The following TAFA1 variants were observed in gnomAD, a reference collection of about 807,000 sequenced individuals.
TAFA1 encodes chemokine-like protein TAFA-1.
In TAFA1, 4 loss-of-function variants were observed where a neutral mutation model predicts 18.5. That is an observed-to-expected ratio of 0.22 (90% confidence interval 0.11 to 0.49). TAFA1 has a LOEUF of 0.49. Among genes scored for constraint, TAFA1 ranks in the 20% least tolerant of loss-of-function variants. The pLI is 0.98. For missense variants in TAFA1, 147 were observed against 169.0 expected (o/e 0.87, Z 0.72); for synonymous variants, 56 against 55.2 (o/e 1.01, Z -0.06).
At position 68,459,733 on chromosome 3, in the gene TAFA1, C is replaced by A. The variant is rs567297196; in HGVS notation, c.259+42313C>A. Among the ~76,000 whole-genome samples, 18 of 152,250 alleles carry A rather than the reference C, an allele frequency of 1.2e-4. No individual in the cohort carries two copies. The South Asian group carries it at 3.5e-3, about 30-fold the overall frequency. Reference sequence around the variant, plus strand: ...CCTTTTCCCTAATTCCCTATTTACCCATATAAGACTTTCACTTTAAGATAT... The same window carrying A: ...CCTTTTCCCTAATTCCCTATTTACCAATATAAGACTTTCACTTTAAGATAT... On this transcript the variant is annotated intron_variant, in intron 3 of 4. Transcript: ENST00000478136.
intron 2 of TAFA1, among the ~76,000 whole-genome samples, chr3:68,227,211 G>A (rs541814480): frequency 5.3e-5 from 8 of 152,166 alleles, no homozygotes; most frequent in African/African-American, 7.2e-5. Flanking sequence ...ATAAAAATTT[G>A]TATTTCTCGA....
intron 4 of TAFA1, among the ~76,000 whole-genome samples, chr3:68,539,390 A>G (rs1277994208): frequency 2.6e-5 from 4 of 151,974 alleles, no homozygotes; most frequent in East Asian, 2.0e-4. Context: ...GATCTTCTAA[A>G]TAAATAACAA....
intron 2 of TAFA1, among the ~76,000 whole-genome samples, chr3:68,152,881 C>A (rs1008045186): frequency 6.6e-6 from 1 of 152,048 alleles, no homozygotes; most frequent in African/African-American, 2.4e-5. Context: ...CAGAAATCAG[C>A]AGGGTGGCAT....
chr3:68,365,039 TGAAA>T (rs1178073634), intron 2 of TAFA1, among the ~76,000 whole-genome samples: 1 of 152,184 alleles, frequency 6.6e-6, no homozygotes, highest in African/African-American at 2.4e-5. Context: ...ATCATGAAGC[TGAAA>T]GACTCGTTTA....
At chr3:68,457,095 G>A (rs1226967109) in intron 3 of TAFA1, among the ~76,000 whole-genome samples, 1 of 152,282 alleles carries the variant, frequency 6.6e-6, no homozygotes, top group Non-Finnish European at 1.5e-5. Flanking sequence ...GAGTCACATG[G>A]CATTTTAAGT....
intron 2 of TAFA1, among the ~76,000 whole-genome samples, chr3:68,299,708 T>G (rs1451536358): frequency 2.6e-5 from 4 of 152,188 alleles, no homozygotes; most frequent in Non-Finnish European, 5.9e-5. Flanking sequence ...AAAATACTTC[T>G]GTGGACCAAG....
At chr3:68,145,487 G>C in intron 2 of TAFA1, 2 of 916,084 alleles carry the variant, frequency 2.2e-6, no homozygotes, top group East Asian at 2.4e-5. Context: ...CACAAGAATG[G>C]TTCTGCCCAG....
intron 2 of TAFA1, among the ~76,000 whole-genome samples, chr3:68,403,456 C>T (rs929405155): frequency 2.6e-5 from 4 of 152,158 alleles, no homozygotes; most frequent in Admixed American, 2.0e-4. Context: ...GAGCAGGCAC[C>T]GTCTAAAACG....
chr3:68,364,703 G>C (rs561809067), intron 2 of TAFA1, among the ~76,000 whole-genome samples: 14 of 152,268 alleles, frequency 9.2e-5, no homozygotes, highest in African/African-American at 3.4e-4. Context: ...TTGGGGTGAA[G>C]TTAACTGAAA....
intron 2 of TAFA1, among the ~76,000 whole-genome samples, chr3:68,391,472 A>C (rs898150599): frequency 1.9e-4 from 29 of 152,198 alleles, no homozygotes; most frequent in Non-Finnish European, 2.6e-4. Context: ...CCAACCTAGC[A>C]AGACAGGCCA....
intron 2 of TAFA1, among the ~76,000 whole-genome samples, chr3:68,055,769 T>G (rs2064528560): frequency 6.6e-6 from 1 of 152,120 alleles, no homozygotes; most frequent in Admixed American, 6.5e-5. Flanking sequence ...TCCCTGGACA[T>G]ATCTCAGGGT....
chr3:68,491,915 G>T (rs2072460391), intron 3 of TAFA1, among the ~76,000 whole-genome samples: 1 of 152,136 alleles, frequency 6.6e-6, no homozygotes, highest in African/African-American at 2.4e-5. Flanking sequence ...AAGACTTCCA[G>T]ATAATTCTGA....
chr3:68,126,678 T>C lies in TAFA1; in HGVS notation c.118+119934T>C, dbSNP rs1297332994. ...TTTCAAGAGGGAGCTTATGGAAAGA[T>C]GCACAGTTAACATTACATCATGGGG... On this transcript the variant is annotated intron_variant, in intron 2 of 4. Transcript: ENST00000478136. Among the ~76,000 whole-genome samples, 4 of 152,244 alleles carry C rather than the reference T, an allele frequency of 2.6e-5. 1 individual carries two copies. In the South Asian group the frequency reaches 6.2e-4, roughly 24 times the overall value.
intron 2 of TAFA1, among the ~76,000 whole-genome samples, chr3:68,203,128 T>C (rs1285140517): frequency 6.6e-6 from 1 of 151,818 alleles, no homozygotes; most frequent in Non-Finnish European, 1.5e-5. Flanking sequence ...TTCTCTCTCT[T>C]TTTTGCTTGT....
intron 2 of TAFA1, among the ~76,000 whole-genome samples, chr3:68,082,413 G>C (rs138029385): frequency 0.012 from 1,873 of 152,246 alleles, 46 homozygotes; most frequent in African/African-American, 0.043. Flanking sequence ...AAATATAAGA[G>C]GCACATCAAC....
chr3:68,482,366 C>G (rs1002475215), intron 3 of TAFA1, among the ~76,000 whole-genome samples: 1 of 151,924 alleles, frequency 6.6e-6, no homozygotes, highest in African/African-American at 2.4e-5. Flanking sequence ...TTGTAGACAC[C>G]AAGAAGAAAA....
intron 3 of TAFA1, among the ~76,000 whole-genome samples, chr3:68,421,233 T>G (rs1406804945): frequency 6.6e-6 from 1 of 152,130 alleles, no homozygotes; most frequent in Non-Finnish European, 1.5e-5. Flanking sequence ...AACCCTTTGG[T>G]GTGGTTGGTT....
At chr3:68,507,697 G>A (rs1371781503) in intron 3 of TAFA1, among the ~76,000 whole-genome samples, 1 of 152,040 alleles carries the variant, frequency 6.6e-6, no homozygotes. Context: ...TAGGTTCTTA[G>A]CATATCTCAC....
At chr3:68,062,432 G>A (rs948991245) in intron 2 of TAFA1, among the ~76,000 whole-genome samples, 1 of 152,114 alleles carries the variant, frequency 6.6e-6, no homozygotes, top group African/African-American at 2.4e-5. Flanking sequence ...ATAATGCGCA[G>A]GTCCTGAAAG....
Sources: gnomAD v4.1 joint callset for allele counts (sites outside exome capture counted in the v4.1 genomes callset) on GRCh38, gnomAD v4.1.1 for gene constraint, MANE v1.5 for transcripts, NCBI Gene and HGNC (gene_info 2026-07-23, HGNC 2026-07-21) for gene names.